Variants in MBIP observed in about 807,000 individuals in gnomAD.
The protein encoded by MBIP is MAP3K12 binding inhibitory protein 1, also known as MAP3K12-binding inhibitory protein 1.
A neutral mutation model predicts 45.7 loss-of-function variants in MBIP; 32 were observed. The observed-to-expected ratio is 0.70, with a 90% CI of 0.53 to 0.94. The LOEUF is 0.94. MBIP is among the 40% of genes least tolerant of loss of function. MBIP has a pLI of 0.00. For missense variants in MBIP, 381 were observed against 405.5 expected (o/e 0.94, Z 0.52); for synonymous variants, 145 against 141.0 (o/e 1.03, Z -0.20).
chr14:36,301,599 C>A (rs1445383607), intron 7 of MBIP, among the ~76,000 whole-genome samples: 1 of 44,002 alleles, frequency 2.3e-5, no homozygotes, highest in East Asian at 2.2e-3. Context: ...GGGAAAGAAA[C>A]CTGTTTTCTC....
chr14:36,320,096 T>C (rs965644604), intron 1 of MBIP, among the ~76,000 whole-genome samples: 2 of 151,330 alleles, frequency 1.3e-5, no homozygotes, highest in Admixed American at 6.6e-5. Context: ...GACCAACCAA[T>C]TCCCATAAAG....
rs1880597865 is a variant in MBIP, at chr14:36,316,760, T to C, written c.182A>G (p.Gln61Arg). Residue 61 changes from glutamine (Q) to arginine (R), a missense_variant, in exon 2 of 9, where the codon CAG becomes CGG. Coordinates refer to ENST00000416007, the MANE Select transcript of MBIP (RefSeq NM_016586.3). ...TGCAGGCTGGAATGCCGAGAGGCTCTGGAGCTTGTTCCAATCGATTGTAAT... is the reference window on the plus strand; with the variant it reads ...TGCAGGCTGGAATGCCGAGAGGCTCCGGAGCTTGTTCCAATCGATTGTAAT... Reference protein sequence around the residue: ...VKITIDWNKLQSLSAFQPALL... With the variant: ...VKITIDWNKLRSLSAFQPALL... 1.2e-6 allele frequency: 2 copies of C among 1,612,972 alleles called. No homozygotes were observed. Among genetic ancestry groups the C allele is most frequent in the East Asian group, 2.2e-5 (1 of 44,846 alleles).
intron 8 of MBIP, 134 bp downstream of exon 8, chr14:36,300,651 C>G (rs1291674387): frequency 1.7e-6 from 1 of 573,232 alleles, no homozygotes; most frequent in African/African-American, 1.9e-5. Flanking sequence ...TTAGTTTATA[C>G]TGCCCTTTTC....
At chr14:36,303,691 C>A (rs1199879104) in intron 7 of MBIP, among the ~76,000 whole-genome samples, 1 of 152,190 alleles carries the variant, frequency 6.6e-6, no homozygotes, top group Non-Finnish European at 1.5e-5. Context: ...CACGTTCACG[C>A]ACATGCACAC....
intron 6 of MBIP, among the ~76,000 whole-genome samples, chr14:36,310,202 AGT>A (rs781360156): frequency 6.6e-6 from 1 of 152,214 alleles, no homozygotes; most frequent in Non-Finnish European, 1.5e-5. Flanking sequence ...TCTTAATGCC[AGT>A]GTCTTATTAC....
At position 36,320,460 on chromosome 14, in the gene MBIP, C is replaced by G. The variant is rs762987079; in HGVS notation, c.129G>C (p.Gln43His). 6.2e-7 allele frequency: 1 copy of G among 1,614,020 alleles called. No individual in the cohort carries two copies. Among genetic ancestry groups the G allele is most frequent in the African/African-American group, 1.3e-5 (1 of 74,942 alleles). ...IFRSLHTLVG[Q>H]LDLRDDVVKI... ...CCCAGTCCCTCAGGCCACCTCTCAC[C>G]TGTCCAACCAGGGTGTGTAGGGAGC... Residue 43 changes from glutamine (Q) to histidine (H), a missense_variant and splice_region_variant, in exon 1 of 9, where the codon CAG becomes CAC. Coordinates refer to ENST00000416007, the MANE Select transcript of MBIP (RefSeq NM_016586.3).
rs1221857656 is a variant in MBIP at position 36,320,480 on chromosome 14, G to A, written c.109C>T (p.Leu37=). 6.2e-7 allele frequency: 1 copy of A among 1,614,158 alleles called. No homozygotes were observed. The highest frequency in any genetic ancestry group is 1.1e-5 in the South Asian group (1 of 91,072). Residue 37 remains leucine, a synonymous_variant, in exon 1 of 9, where the codon CTA becomes TTA. Transcript: ENST00000416007. ...CTCACCTGTCCAACCAGGGTGTGTAGGGAGCGAAAGATTTCGTAGAGCACC... is the reference window on the plus strand; with the variant it reads ...CTCACCTGTCCAACCAGGGTGTGTAAGGAGCGAAAGATTTCGTAGAGCACC... ...REVLYEIFRS[L]HTLVGQLDLR...
At chr14:36,300,666 G>T in intron 8 of MBIP, 119 bp downstream of exon 8, 2 of 652,836 alleles carry the variant, frequency 3.1e-6, no homozygotes, top group Non-Finnish European at 2.6e-6. Context: ...CTTTTCTTCA[G>T]TCCTAAATTT....
In MBIP at chr14:36,300,789, G is replaced by C; in HGVS notation, c.923C>G (p.Pro308Arg). Residue 308 changes from proline (P) to arginine (R), a missense_variant, in exon 8 of 9, where the codon CCT (proline) becomes CGT (arginine). Physicochemically the swap from Pro to Arg is moderately radical, Grantham distance 103. Coordinates refer to ENST00000416007, the MANE Select transcript of MBIP (RefSeq NM_016586.3). ...FSGKRRKVQP[P>R]QQNYSLAELD... ...AATGAAAATGCAGTAACTTACTTGAGGTGGTTGAACTTTTCTTCTTTTTCC... is the reference window on the plus strand; with the variant it reads ...AATGAAAATGCAGTAACTTACTTGACGTGGTTGAACTTTTCTTCTTTTTCC... The C allele has an allele frequency of 6.4e-7, 1 of 1,552,780 alleles. No homozygotes were observed. The highest frequency in any genetic ancestry group is 8.7e-7 in the Non-Finnish European group (1 of 1,143,440).
chr14:36,316,586 G>A, intron 2 of MBIP, 107 bp downstream of exon 2: 1 of 959,138 alleles, frequency 1.0e-6, no homozygotes, highest in South Asian at 1.8e-5. Context: ...CGTTTTATTA[G>A]CAACACTATT....
At position 36,314,568 on chromosome 14, in the gene MBIP, G is replaced by C; in HGVS notation, c.515C>G (p.Ala172Gly). ...CCTGACGTTGTTTTCATTGATTTCA[G>C]CTTGCTTTCTTTCAATAAATGCAGA... The part of the protein sequence containing the change: ...RISAFIERKQ[A>G]EINENNVREF... The change falls in exon 4 of 9, where the codon GCT (alanine) becomes GGT (glycine). Residue 172 changes from alanine to glycine, a missense_variant. Transcript: ENST00000416007. The C allele has an allele frequency of 1.2e-6, 2 of 1,611,474 alleles. No individual in the cohort carries two copies. The highest frequency in any genetic ancestry group is 1.7e-6 in the Non-Finnish European group (2 of 1,179,052).
rs1880482615 is a variant in MBIP at position 36,315,009 on chromosome 14, A to C, written c.250-94T>G. On this transcript the variant is annotated intron_variant, in intron 2 of 8. Coordinates refer to ENST00000416007, the MANE Select transcript of MBIP (RefSeq NM_016586.3). Reference sequence around the variant, plus strand: ...TACATAAATTTCTGCTAAGTAAATGAAATACTTAATATCAGTTAATAAATA... The same window carrying C: ...TACATAAATTTCTGCTAAGTAAATGCAATACTTAATATCAGTTAATAAATA... The C allele has an allele frequency of 5.4e-6, 4 of 747,616 alleles. No homozygotes were observed. In the East Asian group the frequency reaches 1.1e-4, roughly 20 times the overall value. The allele number at this position is 747,616 out of a possible 1,614,324, so 46.3% of individuals were successfully genotyped here. A position where few individuals can be genotyped will look rare whatever the true frequency, so the allele number is the denominator to read the frequency against.
chr14:36,299,021 TA>T lies in MBIP; in HGVS notation c.*61del. 2.6e-6 allele frequency: 3 copies of T among 1,149,788 alleles called. No homozygotes were observed. Among genetic ancestry groups the T allele is most frequent in the Non-Finnish European group, 2.6e-6 (2 of 764,052 alleles). 71.2% of individuals were successfully genotyped at this position (1,149,788 alleles called of 1,614,324 possible). A position where few individuals can be genotyped will look rare whatever the true frequency, so the allele number is the denominator to read the frequency against. ...GATAAATATATATCCGTTGAATTAA[TA>T]ACAGTGTAAGTTACACATATGTATA... On this transcript the variant is annotated 3_prime_UTR_variant, in exon 9 of 9. Transcript: ENST00000416007.
chr14:36,300,735 AAAACTAATC>A, intron 8 of MBIP, 41 bp downstream of exon 8: 2 of 1,373,848 alleles, frequency 1.5e-6, no homozygotes, highest in Non-Finnish European at 2.0e-6. Context: ...AGAAAGGTAT[AAAACTAATC>A]AAACTATTTC....
In MBIP at chr14:36,299,120, C is replaced by A; in HGVS notation, c.998G>T (p.Arg333Ile). ...ALKQALLRKS[R>I]EAESMATHHL... ...GTGGGTTGCCATGGATTCTGCTTCT[C>A]TTGATTTTCTGAGGAGGGCTTGTTT... Residue 333 changes from arginine (R) to isoleucine (I), a missense_variant, in exon 9 of 9, where the codon AGA becomes ATA. Transcript: ENST00000416007. 1 of 1,613,730 alleles carries A rather than the reference C, an allele frequency of 6.2e-7. No individual in the cohort carries two copies. Among genetic ancestry groups the A allele is most frequent in the Non-Finnish European group, 8.5e-7 (1 of 1,179,742 alleles).
At chr14:36,309,137 A>G (rs1349719005) in intron 6 of MBIP, among the ~76,000 whole-genome samples, 1 of 152,102 alleles carries the variant, frequency 6.6e-6, no homozygotes, top group Non-Finnish European at 1.5e-5. Context: ...GGTTCCCTCT[A>G]CCGCCATAAT....
intron 1 of MBIP, 21 bp from the exon 2 acceptor site, chr14:36,316,833 A>T (rs1282963308): frequency 6.3e-7 from 1 of 1,588,054 alleles, no homozygotes. Context: ...GCAAACCAGC[A>T]ACATCACAAA....
Position 36,316,776 on chromosome 14 carries a change from C to T in MBIP, c.166G>A (p.Asp56Asn), listed in dbSNP as rs1222268118. 8.7e-6 allele frequency: 14 copies of T among 1,612,178 alleles called. No individual in the cohort carries two copies. The highest frequency in any genetic ancestry group is 3.3e-5 in the South Asian group (3 of 90,826). The change falls in exon 2 of 9, where the codon GAT becomes AAT. Residue 56 changes from aspartate (D) to asparagine (N), a missense_variant. Transcript: ENST00000416007. ...GAGAGGCTCTGGAGCTTGTTCCAAT[C>T]GATTGTAATTTTCACCACATCATCT... ...LRDDVVKITI[D>N]WNKLQSLSAF...
At chr14:36,313,509 TCAA>T (rs1269046917) in intron 4 of MBIP, 2 of 152,136 alleles carry the variant, frequency 1.3e-5, no homozygotes, top group African/African-American at 4.8e-5. Context: ...GCTTGCTCTC[TCAA>T]CAAACCCTTT....
Sources: allele counts gnomAD v4.1 joint callset (sites outside exome capture counted in the v4.1 genomes callset), GRCh38; gene constraint gnomAD v4.1.1; transcripts MANE v1.5; gene names NCBI Gene and HGNC (gene_info 2026-07-23, HGNC 2026-07-21).